Variants in BCAT1 observed in about 807,000 individuals in gnomAD.
The protein encoded by BCAT1 is branched-chain-amino-acid aminotransferase, cytosolic.
BCAT1 carries 48 observed loss-of-function variants against 52.4 expected under a neutral mutation model. That is an observed-to-expected ratio of 0.92 (90% CI 0.73 to 1.16). The LOEUF is 1.16. BCAT1 is among the 50% of genes most tolerant of loss of function. BCAT1 has a pLI of 0.00. For missense variants in BCAT1, 451 were observed against 457.1 expected, an observed-to-expected ratio of 0.99 and a Z score of 0.12; for synonymous variants, 167 against 161.3, an observed-to-expected ratio of 1.04 and a Z score of -0.27.
At chr12:24,832,239 T>A (rs148662604) in intron 9 of BCAT1, among the ~76,000 whole-genome samples, 187 of 152,282 alleles carry the variant, frequency 1.2e-3, no homozygotes, top group African/African-American at 4.5e-3. Context: ...AATCCCGACA[T>A]GTAGGTAAGA....
chr12:24,820,921 T>C (rs1023879694), intron 10 of BCAT1, among the ~76,000 whole-genome samples: 3 of 152,174 alleles, frequency 2.0e-5, no homozygotes, highest in African/African-American at 7.2e-5. Context: ...CTATAGTCAG[T>C]GCTGCCTACC....
chr12:24,895,693 T>G (rs1942945287), intron 2 of BCAT1, among the ~76,000 whole-genome samples: 1 of 152,162 alleles, frequency 6.6e-6, no homozygotes, highest in Non-Finnish European at 1.5e-5. Flanking sequence ...GTCTTTTCCC[T>G]CCCAAATTAA....
At chr12:24,932,978 A>G (rs2139745902) in intron 1 of BCAT1, among the ~76,000 whole-genome samples, 1 of 151,686 alleles carries the variant, frequency 6.6e-6, no homozygotes. Flanking sequence ...CACTTGGCTA[A>G]TTTTTGTATT....
intron 5 of BCAT1, among the ~76,000 whole-genome samples, chr12:24,877,871 C>A (rs1398427118): frequency 6.6e-6 from 1 of 152,062 alleles, no homozygotes; most frequent in South Asian, 2.1e-4. Context: ...GAATCCTCTC[C>A]GGTCAGGTGA....
At chr12:24,897,728 A>C (rs548544337) in intron 2 of BCAT1, among the ~76,000 whole-genome samples, 2 of 152,178 alleles carry the variant, frequency 1.3e-5, no homozygotes, top group Admixed American at 6.5e-5. Context: ...TAAGTTTTGT[A>C]TTTTTGGTAG....
At chr12:24,831,672 T>C (rs1940674324) in intron 9 of BCAT1, among the ~76,000 whole-genome samples, 1 of 151,970 alleles carries the variant, frequency 6.6e-6, no homozygotes, top group Non-Finnish European at 1.5e-5. Flanking sequence ...ACAAAAAAAG[T>C]TGTATGTGGA....
At chr12:24,899,969 A>C (rs921664144) in intron 2 of BCAT1, among the ~76,000 whole-genome samples, 2 of 152,134 alleles carry the variant, frequency 1.3e-5, no homozygotes, top group Non-Finnish European at 2.9e-5. Context: ...AGTTAGATAG[A>C]AGCGATAAAG....
chr12:24,862,789 A>T (rs1941884147), intron 5 of BCAT1, among the ~76,000 whole-genome samples: 1 of 152,048 alleles, frequency 6.6e-6, no homozygotes, highest in Admixed American at 6.6e-5. Context: ...GAACTAGAGG[A>T]ACTTCTACCA....
intron 1 of BCAT1, among the ~76,000 whole-genome samples, chr12:24,915,762 A>G (rs1279324352): frequency 6.6e-6 from 1 of 152,276 alleles, no homozygotes; most frequent in Non-Finnish European, 1.5e-5. Context: ...ACATTGTGGC[A>G]TAAAACAGAC....
chr12:24,860,163 G>T (rs1234356770), intron 5 of BCAT1, among the ~76,000 whole-genome samples: 2 of 152,160 alleles, frequency 1.3e-5, no homozygotes, highest in Non-Finnish European at 2.9e-5. Context: ...TTTATAATCA[G>T]ATAGAGGGCT....
At chr12:24,895,525 CAGAAAAAAAAAAA>C (rs1469007784) in intron 2 of BCAT1, among the ~76,000 whole-genome samples, 1 of 118,230 alleles carries the variant, frequency 8.5e-6, no homozygotes, top group Non-Finnish European at 1.7e-5. Flanking sequence ...GACTCTGTCT[CAGAAAAAAAAAAA>C]AGAAAAGAAA....
At chr12:24,910,218 A>G (rs1490867352) in intron 1 of BCAT1, among the ~76,000 whole-genome samples, 1 of 151,928 alleles carries the variant, frequency 6.6e-6, no homozygotes, top group Non-Finnish European at 1.5e-5. Flanking sequence ...TACTAAAAAT[A>G]AAGGAAAAAT....
intron 3 of BCAT1, among the ~76,000 whole-genome samples, chr12:24,891,880 C>G (rs1049459116): frequency 1.3e-5 from 2 of 151,156 alleles, no homozygotes; most frequent in Non-Finnish European, 2.9e-5. Flanking sequence ...TCCTAAGTAG[C>G]TTGGACTACA....
chr12:24,943,602 C>T (rs1943881535), intron 1 of BCAT1, among the ~76,000 whole-genome samples: 1 of 151,092 alleles, frequency 6.6e-6, no homozygotes, highest in Non-Finnish European at 1.5e-5. Flanking sequence ...TCTACTTTCT[C>T]ATTTTGCTCT....
intron 1 of BCAT1, among the ~76,000 whole-genome samples, chr12:24,906,624 A>G (rs1214577386): frequency 1.3e-5 from 2 of 152,360 alleles, no homozygotes; most frequent in Non-Finnish European, 1.5e-5. Flanking sequence ...GATGTCAGCC[A>G]TGCAGAATAG....
intron 10 of BCAT1, among the ~76,000 whole-genome samples, chr12:24,818,696 C>T (rs1316737890): frequency 6.6e-6 from 1 of 152,168 alleles, no homozygotes; most frequent in East Asian, 1.9e-4. Flanking sequence ...GCTGTGTTAG[C>T]ATTTTTCTTA....
At chr12:24,939,189 G>A (rs10842434) in intron 1 of BCAT1, among the ~76,000 whole-genome samples, 132,872 of 152,226 alleles carry the variant, frequency 0.87, 58,865 homozygotes, top group Middle Eastern at 0.94. Flanking sequence ...TGCTTTTTAT[G>A]TATATCTCCC....
At chr12:24,846,815 T>C (rs1037467980) in intron 6 of BCAT1, among the ~76,000 whole-genome samples, 5 of 152,224 alleles carry the variant, frequency 3.3e-5, no homozygotes, top group Non-Finnish European at 7.3e-5. Context: ...GTCCCAAGCA[T>C]TTCAGATAAG....
chr12:24,834,553 T>C (rs974700157), intron 8 of BCAT1: 7 of 972,646 alleles, frequency 7.2e-6, no homozygotes, highest in African/African-American at 1.8e-5. Context: ...TGAGTATTTT[T>C]TCTTAATTTA....
Sources: allele counts gnomAD v4.1 joint callset (sites outside exome capture counted in the v4.1 genomes callset), GRCh38; gene constraint gnomAD v4.1.1; transcripts MANE v1.5; gene names NCBI Gene and HGNC (gene_info 2026-07-23, HGNC 2026-07-21).